The following SPAG16 variants were observed in gnomAD, a reference collection of about 807,000 sequenced individuals.
SPAG16 encodes the protein sperm-associated antigen 16 protein.
In SPAG16, 86 loss-of-function variants were observed where a neutral mutation model predicts 80.4. That is an observed-to-expected ratio of 1.07 (90% CI 0.90 to 1.28). The LOEUF is 1.28. Ranked by LOEUF, SPAG16 falls within the 50% of genes most tolerant of loss-of-function variation. The pLI, the probability that SPAG16 is intolerant of heterozygous loss-of-function variation, is 0.00. For missense variants in SPAG16, 870 were observed against 765.3 expected, an observed-to-expected ratio of 1.14 and a Z score of -1.61; for synonymous variants, 294 against 265.9, an observed-to-expected ratio of 1.11 and a Z score of -1.03.
rs145220287 is a variant in SPAG16 at position 213,360,503 on chromosome 2, C to T, written c.763-3573C>T. Among the ~76,000 whole-genome samples, 169 of 152,302 alleles carry T rather than the reference C, an allele frequency of 1.1e-3. 2 individuals are homozygous for T. Among genetic ancestry groups the T allele is most frequent in the African/African-American group, 3.6e-3 (151 of 41,558 alleles). ...TCCAAATTAGGGCACAGAATATAGTCCTAGTCCTGTCAGCTCTCCAGGTGT... is the reference window on the plus strand; with the variant it reads ...TCCAAATTAGGGCACAGAATATAGTTCTAGTCCTGTCAGCTCTCCAGGTGT... On this transcript the variant is annotated intron_variant, in intron 7 of 15. Coordinates refer to ENST00000331683, the MANE Select transcript of SPAG16 (RefSeq NM_024532.5).
chr2:213,618,516 A>C (rs1004787122), intron 10 of SPAG16, among the ~76,000 whole-genome samples: 1 of 152,234 alleles, frequency 6.6e-6, no homozygotes, highest in African/African-American at 2.4e-5. Context: ...TATTTAAAGT[A>C]GGACTTGAAT....
chr2:213,376,951 A>G (rs540363560), intron 9 of SPAG16, among the ~76,000 whole-genome samples: 10 of 152,256 alleles, frequency 6.6e-5, no homozygotes, highest in African/African-American at 2.2e-4. Context: ...CTTCTACTTC[A>G]TTGGCTTACA....
chr2:213,794,933 T>A (rs1349472402), intron 10 of SPAG16, among the ~76,000 whole-genome samples: 1 of 152,188 alleles, frequency 6.6e-6, no homozygotes, highest in African/African-American at 2.4e-5. Context: ...TAAAATTTAT[T>A]TAAATTTGGC....
intron 15 of SPAG16, among the ~76,000 whole-genome samples, chr2:214,367,521 A>T (rs149346115): frequency 1.1e-3 from 172 of 152,322 alleles, no homozygotes; most frequent in African/African-American, 4.0e-3. Flanking sequence ...TATAGTAAAC[A>T]CCTAAAAGCG....
chr2:214,223,554 G>T (rs1339735783), intron 15 of SPAG16, among the ~76,000 whole-genome samples: 1 of 151,928 alleles, frequency 6.6e-6, no homozygotes, highest in African/African-American at 2.4e-5. Flanking sequence ...TAATTTAAGA[G>T]GTTGGTATTT....
intron 10 of SPAG16, among the ~76,000 whole-genome samples, chr2:213,737,151 A>G (rs553475507): frequency 1.2e-4 from 18 of 152,314 alleles, no homozygotes; most frequent in African/African-American, 3.8e-4. Flanking sequence ...TAGAAAATCT[A>G]TGAATTGTGA....
intron 11 of SPAG16, among the ~76,000 whole-genome samples, chr2:213,867,926 C>CAAAAA (rs35795865): frequency 1.2e-3 from 56 of 45,538 alleles, no homozygotes; most frequent in East Asian, 1.7e-3. Context: ...TCTGTCTCAA[C>CAAAAA]AAAAAAAAAA....
chr2:214,173,724 A>G lies in SPAG16; in HGVS notation c.1720+24458A>G, dbSNP rs1417532375. The stretch of plus-strand genomic sequence containing the variant: ...GAGGGAATCCTCCCTAACTCATTTT[A>G]TGAGGCCAGCATCATCCTGATACCA... On this transcript the variant is annotated intron_variant, in intron 15 of 15. Transcript: ENST00000331683. Among the ~76,000 whole-genome samples, 7 of 151,906 alleles carry G rather than the reference A, an allele frequency of 4.6e-5. No homozygotes were observed. The East Asian group carries it at 1.4e-3, about 29-fold the overall frequency.
intron 12 of SPAG16, among the ~76,000 whole-genome samples, chr2:213,960,852 G>A (rs991860302): frequency 4.6e-5 from 7 of 152,280 alleles, no homozygotes; most frequent in Admixed American, 6.5e-5. Context: ...GCAATAATGC[G>A]GGAGGTACAA....
intron 13 of SPAG16, among the ~76,000 whole-genome samples, chr2:214,063,089 A>G (rs541407351): frequency 6.6e-6 from 1 of 152,154 alleles, no homozygotes; most frequent in Non-Finnish European, 1.5e-5. Context: ...GATTTTTGGT[A>G]TTTTTTTCAT....
At chr2:213,606,012 AT>A (rs1241012767) in intron 10 of SPAG16, among the ~76,000 whole-genome samples, 2 of 152,178 alleles carry the variant, frequency 1.3e-5, no homozygotes, top group Admixed American at 1.3e-4. Context: ...TTCAATGAAC[AT>A]TGGTTAATTT....
At chr2:214,047,739 A>C (rs1478238811) in intron 13 of SPAG16, among the ~76,000 whole-genome samples, 1 of 152,202 alleles carries the variant, frequency 6.6e-6, no homozygotes, top group Non-Finnish European at 1.5e-5. Flanking sequence ...GGAAATAATC[A>C]AAGTAAACAG....
intron 14 of SPAG16, among the ~76,000 whole-genome samples, chr2:214,147,699 G>A (rs2055731144): frequency 6.6e-6 from 1 of 152,098 alleles, no homozygotes; most frequent in African/African-American, 2.4e-5. Flanking sequence ...GGCATTCCAA[G>A]TTCTCCATGT....
At chr2:213,815,789 A>G (rs1410743545) in intron 10 of SPAG16, among the ~76,000 whole-genome samples, 1 of 152,154 alleles carries the variant, frequency 6.6e-6, no homozygotes, top group African/African-American at 2.4e-5. Context: ...TATTATACGT[A>G]TAACAATTAT....
chr2:214,046,452 C>T (rs1324384858), intron 13 of SPAG16, among the ~76,000 whole-genome samples: 2 of 152,098 alleles, frequency 1.3e-5, no homozygotes, highest in Non-Finnish European at 2.9e-5. Context: ...AAATCCTCAA[C>T]CAAATATTAG....
intron 9 of SPAG16, among the ~76,000 whole-genome samples, chr2:213,469,285 C>T (rs1325895179): frequency 6.6e-6 from 1 of 152,130 alleles, no homozygotes; most frequent in Non-Finnish European, 1.5e-5. Context: ...GCACCAATCC[C>T]CAACCCAAAT....
Position 213,737,649 on chromosome 2 carries a change from G to A in SPAG16, c.1071-124836G>A, listed in dbSNP as rs187860101. ...ACTATAGGCGCCCGCCACCACGCCCGGCTAATTTTTTTGTATTTTTAGTAG... is the reference window on the plus strand; with the variant it reads ...ACTATAGGCGCCCGCCACCACGCCCAGCTAATTTTTTTGTATTTTTAGTAG... On this transcript the variant is annotated intron_variant, in intron 10 of 15. Coordinates refer to ENST00000331683, the MANE Select transcript of SPAG16 (RefSeq NM_024532.5). Among the ~76,000 whole-genome samples the A allele has an allele frequency of 9.3e-3, 1,405 of 151,876 alleles. 16 individuals are homozygous for A. Among genetic ancestry groups the A allele is most frequent in the Non-Finnish European group, 0.013 (875 of 67,918 alleles).
At chr2:214,399,295 A>C (rs1701577744) in intron 15 of SPAG16, among the ~76,000 whole-genome samples, 1 of 152,050 alleles carries the variant, frequency 6.6e-6, no homozygotes, top group African/African-American at 2.4e-5. Flanking sequence ...TCTCAATTAT[A>C]ATTCTTTTAT....
chr2:213,545,389 T>C (rs77983884), intron 10 of SPAG16, among the ~76,000 whole-genome samples: 15,094 of 152,166 alleles, frequency 0.099, 1,354 homozygotes, highest in African/African-American at 0.24. Flanking sequence ...GTGTGTTTTG[T>C]AAATATTTTC....
Sources: gnomAD v4.1 joint callset for allele counts (sites outside exome capture counted in the v4.1 genomes callset) on GRCh38, gnomAD v4.1.1 for gene constraint, MANE v1.5 for transcripts, NCBI Gene and HGNC (gene_info 2026-07-23, HGNC 2026-07-21) for gene names.